Variants in COL15A1 observed in about 807,000 individuals in gnomAD.
COL15A1 encodes the protein collagen type XV alpha 1 chain, also known as collagen alpha-1(XV) chain.
A neutral mutation model predicts 165.9 loss-of-function variants in COL15A1; 111 were observed. That is an observed-to-expected ratio of 0.67 (90% confidence interval 0.57 to 0.78). The LOEUF is 0.78. Ranked by LOEUF, COL15A1 falls within the 30% of genes least tolerant of loss-of-function variation. The pLI is 0.00. For synonymous variants in COL15A1, 659 were observed against 674.8 expected, an observed-to-expected ratio of 0.98 and a Z score of 0.36; for missense variants, 1,745 against 1,789.7, an observed-to-expected ratio of 0.98 and a Z score of 0.45.
At chr9:99,003,218 G>A (rs1838694372) in intron 7 of COL15A1, among the ~76,000 whole-genome samples, 2 of 152,260 alleles carry the variant, frequency 1.3e-5, no homozygotes, top group African/African-American at 2.4e-5. Flanking sequence ...CAGGAGCAGT[G>A]ATTTCCGTGT....
chr9:98,946,396 C>T (rs1444878384), intron 2 of COL15A1, among the ~76,000 whole-genome samples: 1 of 152,156 alleles, frequency 6.6e-6, no homozygotes, highest in African/African-American at 2.4e-5. Context: ...TTAGGGGTTC[C>T]ATGGTCTCCA....
chr9:98,947,945 AT>A (rs1837611293), intron 2 of COL15A1, among the ~76,000 whole-genome samples: 1 of 152,216 alleles, frequency 6.6e-6, no homozygotes, highest in Admixed American at 6.5e-5. Flanking sequence ...ATGAACTTAG[AT>A]GAGTTGCTTT....
intron 2 of COL15A1, among the ~76,000 whole-genome samples, chr9:98,965,113 C>T (rs56375570): frequency 0.022 from 3,405 of 152,234 alleles, 62 homozygotes; most frequent in African/African-American, 0.056. Context: ...TCCAGATCAC[C>T]CAATTCCACC....
chr9:99,034,647 G>C, intron 17 of COL15A1, 63 bp downstream of exon 17: 1 of 1,070,872 alleles, frequency 9.3e-7, no homozygotes, highest in East Asian at 5.8e-5. Context: ...CTTTCTTTGA[G>C]TTTACTATAA....
intron 2 of COL15A1, among the ~76,000 whole-genome samples, chr9:98,970,686 A>G (rs1331457988): frequency 6.6e-6 from 1 of 152,122 alleles, no homozygotes; most frequent in Non-Finnish European, 1.5e-5. Context: ...GCTTGGGTGT[A>G]TGTATATGAG....
At chr9:99,000,191 A>G (rs80068323) in intron 6 of COL15A1, among the ~76,000 whole-genome samples, 29 of 152,316 alleles carry the variant, frequency 1.9e-4, no homozygotes, top group African/African-American at 7.0e-4. Flanking sequence ...ATGTGGGAAC[A>G]ATTAAATTAA....
At position 99,010,293 on chromosome 9, in the gene COL15A1, T is replaced by C. The variant is rs903958110; in HGVS notation, c.1354-5124T>C. On this transcript the variant is annotated intron_variant, in intron 9 of 41. Coordinates refer to ENST00000375001, the MANE Select transcript of COL15A1 (RefSeq NM_001855.5). Reference sequence around the variant, plus strand: ...AGAGCACCTGATTCTGTCACTGTTCTGGGCACCACTATGTAACCTGCCATG... The same window carrying C: ...AGAGCACCTGATTCTGTCACTGTTCCGGGCACCACTATGTAACCTGCCATG... 1.3e-5 allele frequency among the ~76,000 whole-genome samples: 2 copies of C among 152,248 alleles called. 1 individual carries two copies. The highest frequency in any genetic ancestry group is 1.3e-4 in the Admixed American group (2 of 15,290).
chr9:99,060,798 T>A (rs541206579), intron 36 of COL15A1, among the ~76,000 whole-genome samples: 174 of 152,236 alleles, frequency 1.1e-3, no homozygotes, highest in African/African-American at 4.1e-3. Context: ...AAGGATCACT[T>A]GAGCCTGGGA....
intron 2 of COL15A1, among the ~76,000 whole-genome samples, chr9:98,961,590 G>A (rs2118800724): frequency 6.6e-6 from 1 of 152,308 alleles, no homozygotes; most frequent in Non-Finnish European, 1.5e-5. Flanking sequence ...AGGAAGGCAG[G>A]GTGAAGTTTC....
rs772141731 is a variant in COL15A1, at chr9:99,062,218, C to A, written c.3532-27C>A. ...TGGGAGAAGTTTGTAATTGATCTTTCATTTCAATGTACTGTTTTTCTTAAA... is the reference window on the plus strand; with the variant it reads ...TGGGAGAAGTTTGTAATTGATCTTTAATTTCAATGTACTGTTTTTCTTAAA... On this transcript the variant is annotated intron_variant, in intron 37 of 41. Coordinates refer to ENST00000375001, the MANE Select transcript of COL15A1 (RefSeq NM_001855.5). The A allele has an allele frequency of 1.2e-5, 19 of 1,606,480 alleles. No homozygotes were observed. The South Asian group carries it at 2.1e-4, about 18-fold the overall frequency.
At chr9:99,014,817 A>T (rs1838900971) in intron 9 of COL15A1, among the ~76,000 whole-genome samples, 1 of 152,226 alleles carries the variant, frequency 6.6e-6, no homozygotes, top group Admixed American at 6.5e-5. Context: ...TGCTGTCCAG[A>T]AATGCAGGAC....
chr9:99,030,471 ACCC>A (rs1839199524), intron 16 of COL15A1, among the ~76,000 whole-genome samples: 1 of 152,128 alleles, frequency 6.6e-6, no homozygotes, highest in South Asian at 2.1e-4. Flanking sequence ...GGACTCTTCT[ACCC>A]ACAAGTTAAT....
intron 9 of COL15A1, among the ~76,000 whole-genome samples, chr9:99,010,780 A>G (rs746010448): frequency 2.0e-5 from 3 of 152,206 alleles, no homozygotes; most frequent in Non-Finnish European, 4.4e-5. Context: ...TAAAAAAAAT[A>G]TTCTTTTTGT....
At chr9:99,033,171 A>G (rs1249586234) in intron 16 of COL15A1, among the ~76,000 whole-genome samples, 1 of 152,176 alleles carries the variant, frequency 6.6e-6, no homozygotes, top group East Asian at 1.9e-4. Flanking sequence ...GGTGGGCAGT[A>G]GCCCCTTCTG....
At chr9:98,967,200 C>A (rs931464064) in intron 2 of COL15A1, among the ~76,000 whole-genome samples, 8 of 152,270 alleles carry the variant, frequency 5.3e-5, no homozygotes, top group Non-Finnish European at 8.8e-5. Context: ...GAAATTGGAG[C>A]TTTCTGTGAA....
chr9:99,031,774 A>C (rs1314009665), intron 16 of COL15A1, among the ~76,000 whole-genome samples: 1 of 152,234 alleles, frequency 6.6e-6, no homozygotes, highest in African/African-American at 2.4e-5. Flanking sequence ...TAAAATTAAA[A>C]TTAAATTGTA....
chr9:99,058,358 T>C (rs1212423660), intron 35 of COL15A1, among the ~76,000 whole-genome samples: 1 of 152,008 alleles, frequency 6.6e-6, no homozygotes, highest in Non-Finnish European at 1.5e-5. Flanking sequence ...TGGAACCAAA[T>C]GGTTGTAGAG....
At chr9:98,984,340 T>A (rs538364774) in intron 2 of COL15A1, among the ~76,000 whole-genome samples, 58 of 152,290 alleles carry the variant, frequency 3.8e-4, no homozygotes, top group Non-Finnish European at 7.5e-4. Flanking sequence ...GGAAAATACT[T>A]GGATGGGCCA....
rs1240480601 is a variant in COL15A1, at chr9:99,070,665, C to T, written c.*779C>T. Reference sequence around the variant, plus strand: ...TTTGGCAATTGTTGAATTATAACTGCGACTGAAACAAACAGGTTCATAGAG... The same window carrying T: ...TTTGGCAATTGTTGAATTATAACTGTGACTGAAACAAACAGGTTCATAGAG... On this transcript the variant is annotated 3_prime_UTR_variant, in exon 42 of 42. Transcript: ENST00000375001. The T allele has an allele frequency of 2.2e-5, 10 of 451,104 alleles. No homozygotes were observed. The highest frequency in any genetic ancestry group is 7.9e-5 in the South Asian group (5 of 63,478). The allele number at this position is 451,104 out of a possible 1,614,324, so 27.9% of individuals were successfully genotyped here.
Sources: allele counts gnomAD v4.1 joint callset (sites outside exome capture counted in the v4.1 genomes callset), GRCh38; gene constraint gnomAD v4.1.1; transcripts MANE v1.5; gene names NCBI Gene and HGNC (gene_info 2026-07-23, HGNC 2026-07-21).